The following RAB6A variants were observed in gnomAD, a reference collection of about 807,000 sequenced individuals.
RAB6A encodes ras-related protein Rab-6A.
In RAB6A, 8 loss-of-function variants were observed where a neutral mutation model predicts 32.3. The observed-to-expected ratio is 0.25, with a 90% CI of 0.15 to 0.45. The LOEUF (loss-of-function observed/expected upper bound fraction) is 0.45. RAB6A is among the 20% of genes least tolerant of loss of function. The probability of loss-of-function intolerance (pLI) is 1.00; values close to 1 mark genes in which losing one functional copy is unlikely to be tolerated. For missense variants in RAB6A, 104 were observed against 249.4 expected (o/e 0.42, Z 3.93); for synonymous variants, 73 against 82.1 (o/e 0.89, Z 0.60).
In RAB6A at chr11:73,740,718, G is replaced by A. The variant is rs577401678; in HGVS notation, c.71-9895C>T. On this transcript the variant is annotated intron_variant, in intron 1 of 7. Transcript: ENST00000336083. ...AACCTGGCCAACATGGTGAAACCCC[G>A]TCTCTACTAAAAATACAAAATTGGC... Among the ~76,000 whole-genome samples the A allele has an allele frequency of 2.0e-3, 310 of 152,072 alleles. 3 individuals are homozygous for A. The highest frequency in any genetic ancestry group is 6.8e-3 in the African/African-American group (283 of 41,502).
At chr11:73,755,286 T>A (rs1311740060) in intron 1 of RAB6A, among the ~76,000 whole-genome samples, 1 of 150,730 alleles carries the variant, frequency 6.6e-6, no homozygotes, top group Admixed American at 6.6e-5. Context: ...ATACAGTAAA[T>A]GTTGATATAT....
intron 1 of RAB6A, among the ~76,000 whole-genome samples, chr11:73,731,757 T>G (rs1278497468): frequency 2.2e-4 from 31 of 143,646 alleles, no homozygotes; most frequent in African/African-American, 7.8e-4. Flanking sequence ...TATTTTCTTT[T>G]TTTTTTAGAC....
chr11:73,727,972 T>C (rs1463491288), intron 2 of RAB6A, among the ~76,000 whole-genome samples: 1 of 152,190 alleles, frequency 6.6e-6, no homozygotes, highest in Non-Finnish European at 1.5e-5. Flanking sequence ...ACTTGTTTTC[T>C]TTTTTTAACT....
intron 1 of RAB6A, among the ~76,000 whole-genome samples, chr11:73,737,814 G>A (rs969089466): frequency 6.6e-6 from 1 of 151,804 alleles, no homozygotes; most frequent in Non-Finnish European, 1.5e-5. Context: ...CCAACATGGT[G>A]AAACCCCGTC....
chr11:73,750,787 T>C (rs991651718), intron 1 of RAB6A, among the ~76,000 whole-genome samples: 6 of 152,172 alleles, frequency 3.9e-5, no homozygotes, highest in African/African-American at 1.4e-4. Flanking sequence ...ACTATGAGTA[T>C]GGGGGTAAAT....
At chr11:73,751,919 C>T (rs1946674635) in intron 1 of RAB6A, among the ~76,000 whole-genome samples, 1 of 152,112 alleles carries the variant, frequency 6.6e-6, no homozygotes, top group Admixed American at 6.6e-5. Context: ...TAAAGACCCA[C>T]AAACCCACAC....
chr11:73,726,155 C>T (rs535825558), intron 2 of RAB6A, among the ~76,000 whole-genome samples: 31 of 151,504 alleles, frequency 2.0e-4, no homozygotes, highest in Admixed American at 1.6e-3. Context: ...TGTGGTGGTG[C>T]GCATGTGTAG....
intron 1 of RAB6A, among the ~76,000 whole-genome samples, chr11:73,748,108 G>GT (rs1406188674): frequency 1.3e-5 from 2 of 152,146 alleles, no homozygotes; most frequent in Non-Finnish European, 2.9e-5. Context: ...ACCTGCAGCA[G>GT]TTATTACTGT....
intron 2 of RAB6A, among the ~76,000 whole-genome samples, chr11:73,726,177 C>T (rs1044435959): frequency 6.7e-6 from 1 of 150,374 alleles, no homozygotes; most frequent in African/African-American, 2.5e-5. Context: ...CCCAGCTATT[C>T]GGGAGGCTGA....
rs1313504385 is a variant in RAB6A, at chr11:73,750,839, C to G, written c.70+9727G>C. On this transcript the variant is annotated intron_variant, in intron 1 of 7. Coordinates refer to ENST00000336083, the MANE Select transcript of RAB6A (RefSeq NM_198896.2). ...TATAGAATGTACTTTTTTTTTGAGG[C>G]AGGGTCTTGCTCTGTCTCCCAGGCT... is the stretch of plus-strand genomic sequence containing the variant. 2.0e-5 allele frequency among the ~76,000 whole-genome samples: 3 copies of G among 151,808 alleles called. No individual in the cohort carries two copies. The South Asian group carries it at 6.2e-4, about 32-fold the overall frequency.
chr11:73,744,337 CAAAAAA>C (rs35787214), intron 1 of RAB6A, among the ~76,000 whole-genome samples: 2,875 of 108,126 alleles, frequency 0.027, 107 homozygotes, highest in African/African-American at 0.1. Flanking sequence ...GACTCCATCT[CAAAAAA>C]AAAAAAAAAA....
intron 6 of RAB6A, among the ~76,000 whole-genome samples, chr11:73,699,320 G>C: frequency 6.6e-6 from 1 of 152,206 alleles, no homozygotes; most frequent in Middle Eastern, 3.4e-3. Context: ...GTGCAGTGGC[G>C]TGCTAATAGC....
intron 5 of RAB6A, among the ~76,000 whole-genome samples, chr11:73,709,842 CATAT>C (rs919553674): frequency 1.0e-4 from 3 of 29,946 alleles, no homozygotes; most frequent in Admixed American, 4.5e-4. Context: ...CATATATACA[CATAT>C]ATATACATAT....
At chr11:73,716,801 C>T (rs1228253105) in intron 4 of RAB6A, among the ~76,000 whole-genome samples, 3 of 152,178 alleles carry the variant, frequency 2.0e-5, no homozygotes, top group Non-Finnish European at 4.4e-5. Context: ...ATCTGTAAAG[C>T]CTTTCAATAG....
rs1449512089 is a variant in RAB6A at position 73,761,040 on chromosome 11, A to AGCT, written c.-408_-406dup. The AGCT allele has an allele frequency of 1.2e-5, 2 of 164,088 alleles. No individual in the cohort carries two copies. The highest frequency in any genetic ancestry group is 1.9e-4 in the South Asian group (1 of 5,142). The allele number at this position is 164,088 out of a possible 1,614,324, so 10.2% of individuals were successfully genotyped here. On this transcript the variant is annotated 5_prime_UTR_variant, in exon 1 of 8. Transcript: ENST00000336083. ...TCACGCGCAGCGCCTGAGCTTCCAC[A>AGCT]GCTGCCGCCGCCGCCGCAGCCCAAC...
At chr11:73,759,942 C>G in intron 1 of RAB6A, 1 of 1,048,194 alleles carries the variant, frequency 9.5e-7, no homozygotes, top group South Asian at 1.4e-5. Context: ...CCCCCAACCA[C>G]CCCATGCTCA....
intron 5 of RAB6A, among the ~76,000 whole-genome samples, chr11:73,715,313 A>G (rs1300994693): frequency 6.6e-6 from 1 of 152,064 alleles, no homozygotes; most frequent in African/African-American, 2.4e-5. Flanking sequence ...TTTAGTAGAG[A>G]CGGGATTTCA....
intron 1 of RAB6A, 21 bp from the exon 2 acceptor site, chr11:73,730,844 G>A (rs749422081): frequency 2.0e-5 from 31 of 1,586,380 alleles, no homozygotes; most frequent in Non-Finnish European, 2.3e-5. Flanking sequence ...ACGAAAAAAA[G>A]ATTTGCTCAG....
At chr11:73,738,845 G>A (rs1590880075) in intron 1 of RAB6A, among the ~76,000 whole-genome samples, 1 of 151,860 alleles carries the variant, frequency 6.6e-6, no homozygotes, top group Non-Finnish European at 1.5e-5. Context: ...TTGAGAGGCT[G>A]AGCCCAGATG....
Sources: gnomAD v4.1 joint callset for allele counts (sites outside exome capture counted in the v4.1 genomes callset) on GRCh38, gnomAD v4.1.1 for gene constraint, MANE v1.5 for transcripts, NCBI Gene and HGNC (gene_info 2026-07-23, HGNC 2026-07-21) for gene names.